The following VPS13D variants were observed in gnomAD, a reference collection of about 807,000 sequenced individuals.
VPS13D encodes the protein vacuolar protein sorting 13 homolog D, also known as intermembrane lipid transfer protein VPS13D.
In VPS13D, 187 loss-of-function variants were observed where a neutral mutation model predicts 461.9. The ratio of observed to expected loss-of-function variants is 0.40; its 90% CI spans 0.36 to 0.46. The LOEUF (loss-of-function observed/expected upper bound fraction) is 0.46, where lower values mean the gene tolerates loss of function less well. Ranked by LOEUF, VPS13D falls within the 20% of genes least tolerant of loss-of-function variation. VPS13D has a pLI of 0.60. For synonymous variants in VPS13D, 1,951 were observed against 1,986.3 expected (o/e 0.98, Z 0.47); for missense variants, 4,711 against 5,364.9 (o/e 0.88, Z 3.81).
intron 32 of VPS13D, 123 bp from the exon 33 acceptor site, chr1:12,321,686 C>T (rs577716463): frequency 9.9e-7 from 1 of 1,010,350 alleles, no homozygotes; most frequent in Non-Finnish European, 1.4e-6. Context: ...TTTATTTCAG[C>T]AGTTGTTATG....
At chr1:12,358,714 T>G (rs1643910002) in intron 50 of VPS13D, 113 bp downstream of exon 50, 1 of 1,345,118 alleles carries the variant, frequency 7.4e-7, no homozygotes. Context: ...GATTTTCTTA[T>G]TTGGCATTGG....
chr1:12,332,914 T>C (rs1643366143), intron 37 of VPS13D, among the ~76,000 whole-genome samples: 1 of 152,214 alleles, frequency 6.6e-6, no homozygotes, highest in African/African-American at 2.4e-5. Flanking sequence ...TTTTTCCATC[T>C]TGAGTGTCTC....
intron 41 of VPS13D, 46 bp from the exon 42 acceptor site, chr1:12,342,853 C>G: frequency 6.4e-7 from 1 of 1,567,906 alleles, no homozygotes; most frequent in Non-Finnish European, 8.7e-7. Flanking sequence ...TGAGAGGGAG[C>G]TGGGAAGAAA....
Position 12,246,794 on chromosome 1 carries a change from T to C in VPS13D, c.447+2177T>C, listed in dbSNP as rs145694538. Among the ~76,000 whole-genome samples the C allele has an allele frequency of 2.6e-3, 390 of 152,342 alleles. 1 individual carries two copies. Among genetic ancestry groups the C allele is most frequent in the East Asian group, 0.011 (59 of 5,188 alleles). ...GGGCTGCCAGAAGCCATATTAAAGT[T>C]TGGTCAAGTCTCTTTGGAATGGAAT... On this transcript the variant is annotated intron_variant, in intron 5 of 69. Transcript: ENST00000620676.
intron 63 of VPS13D, among the ~76,000 whole-genome samples, chr1:12,414,613 G>C (rs1036682261): frequency 6.6e-6 from 1 of 152,188 alleles, no homozygotes; most frequent in African/African-American, 2.4e-5. Flanking sequence ...GGGGAGGAAG[G>C]AGGAGGGAGT....
intron 65 of VPS13D, among the ~76,000 whole-genome samples, chr1:12,432,835 T>C (rs1345812758): frequency 6.6e-6 from 1 of 152,114 alleles, no homozygotes; most frequent in African/African-American, 2.4e-5. Context: ...GCTGAAGTGA[T>C]CCTCCTGCCT....
intron 60 of VPS13D, among the ~76,000 whole-genome samples, chr1:12,390,830 C>T: frequency 6.6e-6 from 1 of 152,196 alleles, no homozygotes; most frequent in Non-Finnish European, 1.5e-5. Flanking sequence ...ATCCCTGCCA[C>T]CATGGCCACT....
chr1:12,335,758 A>G lies in VPS13D; in HGVS notation c.8482A>G (p.Lys2828Glu). 1 of 1,614,160 alleles carries G rather than the reference A, an allele frequency of 6.2e-7. No individual in the cohort carries two copies. The highest frequency in any genetic ancestry group is 8.5e-7 in the Non-Finnish European group (1 of 1,179,992). ...GATGGCAGATTACTGTAAAGATGAC[A>G]AGGACATAGAGTCAGCTAAATCAGA... ...SWMADYCKDD[K>E]DIESAKSEDW... The change falls in exon 39 of 70, where the codon AAG becomes GAG. Residue 2828 changes from lysine to glutamate, a missense_variant. By Grantham distance (56) the Lys-to-Glu change is moderately conservative. Transcript: ENST00000620676.
rs1463904254 is a variant in VPS13D, at chr1:12,512,033, T to C, written c.*3009T>C. 6.6e-6 allele frequency: 1 copy of C among 152,240 alleles called. No individual in the cohort carries two copies. Among genetic ancestry groups the C allele is most frequent in the Non-Finnish European group, 1.5e-5 (1 of 68,060 alleles). The allele number at this position is 152,240 out of a possible 1,614,324, so 9.4% of individuals were successfully genotyped here. On this transcript the variant is annotated 3_prime_UTR_variant, in exon 70 of 70. Coordinates refer to ENST00000620676, the MANE Select transcript of VPS13D (RefSeq NM_015378.4). ...TTTCTTCCTGTGGAATAAAATGCCT[T>C]GTGGACTTCCCAAACTTGTTCTTTT... is the stretch of plus-strand genomic sequence containing the variant.
intron 64 of VPS13D, among the ~76,000 whole-genome samples, 182 bp from the exon 65 acceptor site, chr1:12,416,478 T>A (rs1487343169): frequency 6.6e-6 from 1 of 152,218 alleles, no homozygotes; most frequent in Non-Finnish European, 1.5e-5. Flanking sequence ...GCTTAGGTGG[T>A]GCTCCTGAAA....
intron 65 of VPS13D, among the ~76,000 whole-genome samples, chr1:12,442,717 C>T (rs981193629): frequency 2.0e-5 from 3 of 152,062 alleles, no homozygotes; most frequent in Non-Finnish European, 4.4e-5. Flanking sequence ...CCCACCTCAG[C>T]CTCCTGAGTA....
Position 12,335,617 on chromosome 1 carries a change from A to T in VPS13D, c.8429-88A>T, listed in dbSNP as rs2101564664. On this transcript the variant is annotated intron_variant, in intron 38 of 69. Coordinates refer to ENST00000620676, the MANE Select transcript of VPS13D (RefSeq NM_015378.4). ...CCAGGCATGTAATGAGACACTCAATAAAAGCTTGTTTTGCTGAATTGAAAT... is the reference window on the plus strand; with the variant it reads ...CCAGGCATGTAATGAGACACTCAATTAAAGCTTGTTTTGCTGAATTGAAAT... The T allele has an allele frequency of 2.0e-6, 3 of 1,502,418 alleles. No individual in the cohort carries two copies. In the East Asian group the frequency reaches 6.8e-5, roughly 34 times the overall value. The allele number at this position is 1,502,418 out of a possible 1,614,324, so 93.1% of individuals were successfully genotyped here. A position where few individuals can be genotyped will look rare whatever the true frequency, so the allele number is the denominator to read the frequency against.
Position 12,261,039 on chromosome 1 carries a change from C to G in VPS13D, c.1304C>G (p.Ser435Cys). The G allele has an allele frequency of 6.2e-7, 1 of 1,614,074 alleles. No individual in the cohort carries two copies. Among genetic ancestry groups the G allele is most frequent in the Non-Finnish European group, 8.5e-7 (1 of 1,180,020 alleles). ...GGSGMLQYLQ[S>C]WFPGWGGWYG... ...AGTGGGATGCTGCAGTATCTCCAGT[C>G]CTGGTTTCCTGGATGGGGTGGCTGG... Residue 435 changes from serine (S) to cysteine (C), a missense_variant, in exon 12 of 70, where the codon TCC (serine) becomes TGC (cysteine). Ser to Cys is a moderately radical substitution (Grantham distance 112). This residue lies in a region of VPS13D where 4,411 missense variants were observed against 4,937.8 expected (regional missense o/e 0.89). Transcript: ENST00000620676.
At chr1:12,449,392 GC>G (rs1276488199) in intron 65 of VPS13D, among the ~76,000 whole-genome samples, 1 of 149,704 alleles carries the variant, frequency 6.7e-6, no homozygotes, top group East Asian at 1.9e-4. Flanking sequence ...CTTGTTCCGT[GC>G]CTTTTTTTTT....
chr1:12,490,453 T>C (rs561996360), intron 67 of VPS13D, among the ~76,000 whole-genome samples: 78 of 152,344 alleles, frequency 5.1e-4, no homozygotes, highest in African/African-American at 1.8e-3. Flanking sequence ...AATAGAGTCT[T>C]CTCTGATTAC....
chr1:12,488,812 G>A (rs1645838500), intron 67 of VPS13D, among the ~76,000 whole-genome samples: 1 of 152,142 alleles, frequency 6.6e-6, no homozygotes, highest in Non-Finnish European at 1.5e-5. Flanking sequence ...AAATATCTTG[G>A]GATTGGCATT....
chr1:12,389,666 A>G (rs150450270), intron 60 of VPS13D, among the ~76,000 whole-genome samples: 1 of 152,348 alleles, frequency 6.6e-6, no homozygotes, highest in Non-Finnish European at 1.5e-5. Context: ...GGTCATAGCT[A>G]GTATTGATGA....
intron 20 of VPS13D, among the ~76,000 whole-genome samples, chr1:12,282,048 C>G (rs1641800844): frequency 6.6e-6 from 1 of 152,078 alleles, no homozygotes; most frequent in African/African-American, 2.4e-5. Context: ...CCACCACACT[C>G]TGCTAATTTT....
chr1:12,382,190 C>T (rs1421772302), intron 57 of VPS13D, among the ~76,000 whole-genome samples: 1 of 152,008 alleles, frequency 6.6e-6, no homozygotes, highest in African/African-American at 2.4e-5. Context: ...CAACCTCCGC[C>T]TCCCGGGCTC....
Sources: gnomAD v4.1 joint callset for allele counts (sites outside exome capture counted in the v4.1 genomes callset) on GRCh38, gnomAD v4.1.1 for gene constraint, gnomAD v4.1.1 regional missense constraint, MANE v1.5 for transcripts, NCBI Gene and HGNC (gene_info 2026-07-23, HGNC 2026-07-21) for gene names.